Variants in EEPD1 observed in about 807,000 individuals in gnomAD.
EEPD1 encodes endonuclease/exonuclease/phosphatase family domain containing 1, also known as endonuclease/exonuclease/phosphatase family domain-containing protein 1.
In EEPD1, 17 loss-of-function variants were observed where a neutral mutation model predicts 46.3. The ratio of observed to expected loss-of-function variants is 0.37; its 90% CI spans 0.25 to 0.55. EEPD1 has a LOEUF of 0.55. Among genes scored for constraint, EEPD1 ranks in the 20% least tolerant of loss-of-function variants. EEPD1 has a pLI of 0.83. For synonymous variants in EEPD1, 313 were observed against 315.6 expected, an observed-to-expected ratio of 0.99 and a Z score of 0.09; for missense variants, 673 against 745.6, an observed-to-expected ratio of 0.90 and a Z score of 1.13.
chr7:36,209,078 A>G (rs1409721956), intron 2 of EEPD1, among the ~76,000 whole-genome samples: 2 of 152,182 alleles, frequency 1.3e-5, no homozygotes, highest in Non-Finnish European at 1.5e-5. Flanking sequence ...GTTCTCATCT[A>G]TGAAGTGGGG....
Position 36,284,684 on chromosome 7 carries a change from A to G in EEPD1, c.1042-2A>G, listed in dbSNP as rs765024509. ...AAGACTCTGTCTCCCTCTCCGCTGC[A>G]GGGAGCTGGGTATGCAGGATTCCTA... On this transcript the variant is annotated splice_acceptor_variant, in intron 4 of 7. Coordinates refer to ENST00000242108, the MANE Select transcript of EEPD1 (RefSeq NM_030636.3). LOFTEE classifies it high-confidence loss of function. 1.2e-6 allele frequency: 2 copies of G among 1,610,978 alleles called. No homozygotes were observed. The highest frequency in any genetic ancestry group is 1.7e-5 in the Admixed American group (1 of 59,724).
chr7:36,240,956 G>T (rs1486234223), intron 3 of EEPD1, among the ~76,000 whole-genome samples: 2 of 152,270 alleles, frequency 1.3e-5, no homozygotes, highest in Non-Finnish European at 2.9e-5. Context: ...ATTCTCAAAT[G>T]ATTCAAGGAA....
intron 3 of EEPD1, among the ~76,000 whole-genome samples, chr7:36,256,001 T>A (rs1189295500): frequency 6.6e-6 from 1 of 152,232 alleles, no homozygotes; most frequent in Non-Finnish European, 1.5e-5. Flanking sequence ...TTTAGCTGTG[T>A]CCCAGAGATT....
At chr7:36,192,537 CAT>C (rs1305820819) in intron 2 of EEPD1, among the ~76,000 whole-genome samples, 87 of 151,948 alleles carry the variant, frequency 5.7e-4, no homozygotes, top group African/African-American at 2.0e-3. Flanking sequence ...TTAACAATTA[CAT>C]ACATATTGAA....
At chr7:36,249,296 C>A (rs1001339131) in intron 3 of EEPD1, among the ~76,000 whole-genome samples, 8 of 152,144 alleles carry the variant, frequency 5.3e-5, no homozygotes, top group Non-Finnish European at 1.0e-4. Flanking sequence ...AATCAGTGCC[C>A]CCGGCCACTG....
intron 3 of EEPD1, 48 bp from the exon 4 acceptor site, chr7:36,281,067 T>G (rs776852109): frequency 1.2e-5 from 18 of 1,562,748 alleles, no homozygotes; most frequent in Admixed American, 3.4e-5. Flanking sequence ...CAGCCGGGAC[T>G]GCTTTAGGCG....
intron 2 of EEPD1, among the ~76,000 whole-genome samples, chr7:36,186,057 T>C (rs575330683): frequency 6.6e-6 from 1 of 152,330 alleles, no homozygotes; most frequent in East Asian, 1.9e-4. Flanking sequence ...TCACGTGGTA[T>C]ATTTCTTTTG....
chr7:36,238,930 TTGG>T (rs1362671109), intron 2 of EEPD1, 52 bp from the exon 3 acceptor site: 5 of 1,558,710 alleles, frequency 3.2e-6, no homozygotes, highest in East Asian at 4.6e-5. Context: ...TAGATGATCC[TTGG>T]TGACATGAAA....
chr7:36,187,832 T>A (rs1785387224), intron 2 of EEPD1, among the ~76,000 whole-genome samples: 2 of 152,204 alleles, frequency 1.3e-5, no homozygotes, highest in Admixed American at 6.5e-5. Flanking sequence ...ATTCTCGCTC[T>A]GTCACCCAGG....
At chr7:36,194,837 C>T (rs1180609343) in intron 2 of EEPD1, among the ~76,000 whole-genome samples, 5 of 152,178 alleles carry the variant, frequency 3.3e-5, no homozygotes, top group Admixed American at 6.5e-5. Flanking sequence ...ATCCATATGT[C>T]CCTGAGTGTG....
At chr7:36,280,828 C>G (rs1360372164) in intron 3 of EEPD1, among the ~76,000 whole-genome samples, 1 of 152,178 alleles carries the variant, frequency 6.6e-6, no homozygotes, top group East Asian at 1.9e-4. Context: ...TTTTTTTGAA[C>G]TGTTTGGGCA....
intron 2 of EEPD1, among the ~76,000 whole-genome samples, chr7:36,178,130 T>G (rs1394801973): frequency 6.6e-6 from 1 of 152,202 alleles, no homozygotes; most frequent in Non-Finnish European, 1.5e-5. Flanking sequence ...GTGACAGTGT[T>G]CCTACCTCAG....
At chr7:36,296,813 T>G (rs1787532392) in intron 6 of EEPD1, among the ~76,000 whole-genome samples, 180 bp from the exon 7 acceptor site, 1 of 151,758 alleles carries the variant, frequency 6.6e-6, no homozygotes, top group South Asian at 2.1e-4. Context: ...CTCTTAATAT[T>G]GGTGGCAGGG....
intron 2 of EEPD1, among the ~76,000 whole-genome samples, chr7:36,219,800 AGAGAGAGTGTGT>A (rs1562691405): frequency 4.5e-5 from 3 of 66,612 alleles, no homozygotes; most frequent in South Asian, 5.9e-4. Context: ...AGAGAGAGAG[AGAGAGAGTGTGT>A]GTGTGTGTGT....
chr7:36,223,161 T>A, intron 2 of EEPD1, among the ~76,000 whole-genome samples: 1 of 151,574 alleles, frequency 6.6e-6, no homozygotes, highest in Non-Finnish European at 1.5e-5. Context: ...AAAAAATAAA[T>A]AAATAAATAA....
chr7:36,180,023 T>C (rs953574387), intron 2 of EEPD1, among the ~76,000 whole-genome samples: 8 of 151,794 alleles, frequency 5.3e-5, no homozygotes, highest in African/African-American at 1.7e-4. Context: ...GCGTGGCTCC[T>C]CCCCAGCAAA....
intron 3 of EEPD1, among the ~76,000 whole-genome samples, chr7:36,243,993 C>T (rs1181492365): frequency 6.7e-6 from 1 of 148,532 alleles, no homozygotes. Flanking sequence ...CACATGTATA[C>T]ATATGTAACT....
intron 3 of EEPD1, among the ~76,000 whole-genome samples, chr7:36,273,241 G>A (rs946540587): frequency 2.0e-5 from 3 of 152,148 alleles, no homozygotes; most frequent in Non-Finnish European, 4.4e-5. Context: ...TGGTTTCGTC[G>A]TGTGTCGAAT....
chr7:36,219,150 A>G (rs938079668), intron 2 of EEPD1, among the ~76,000 whole-genome samples: 2 of 152,084 alleles, frequency 1.3e-5, no homozygotes, highest in African/African-American at 4.8e-5. Flanking sequence ...TCGATGTCTG[A>G]TTGGGTGGGC....
Sources: gnomAD v4.1 joint callset for allele counts (sites outside exome capture counted in the v4.1 genomes callset) on GRCh38, gnomAD v4.1.1 for gene constraint, MANE v1.5 for transcripts, NCBI Gene and HGNC (gene_info 2026-07-23, HGNC 2026-07-21) for gene names.